Variants in ME3 observed in about 807,000 individuals in gnomAD.
The protein encoded by ME3 is NADP-dependent malic enzyme, mitochondrial.
ME3 carries 48 observed loss-of-function variants against 68.9 expected under a neutral mutation model. The observed-to-expected ratio is 0.70, with a 90% CI of 0.55 to 0.89. The LOEUF (loss-of-function observed/expected upper bound fraction) is 0.89. Among genes scored for constraint, ME3 ranks in the 40% least tolerant of loss-of-function variants. The pLI is 0.00. For missense variants in ME3, 675 were observed against 797.4 expected, an observed-to-expected ratio of 0.85 and a Z score of 1.85; for synonymous variants, 320 against 318.8, an observed-to-expected ratio of 1.00 and a Z score of -0.04.
chr11:86,502,690 TACA>T (rs751150934), intron 5 of ME3, among the ~76,000 whole-genome samples: 25 of 152,238 alleles, frequency 1.6e-4, no homozygotes, highest in Non-Finnish European at 3.2e-4. Flanking sequence ...CAAACTTTTC[TACA>T]ACAACAGAAT....
At position 86,507,189 on chromosome 11, in the gene ME3, C is replaced by T. The variant is rs1222542158; in HGVS notation, c.543+1603G>A. ...GACAGAAAGAAGCTATATTTGGTGT[C>T]CAGTGGAGAAGGGTGGAGGGGCTCA... is the stretch of plus-strand genomic sequence containing the variant. On this transcript the variant is annotated intron_variant, in intron 5 of 14. Transcript: ENST00000543262. 5.9e-5 allele frequency among the ~76,000 whole-genome samples: 9 copies of T among 152,046 alleles called. No individual in the cohort carries two copies. The South Asian group carries it at 1.5e-3, about 25-fold the overall frequency.
chr11:86,637,746 T>C (rs953422713), intron 2 of ME3, among the ~76,000 whole-genome samples: 1 of 152,082 alleles, frequency 6.6e-6, no homozygotes, highest in South Asian at 2.1e-4. Context: ...CAATTTCATC[T>C]GGTAGAGGTT....
intron 11 of ME3, 68 bp downstream of exon 11, chr11:86,448,080 CCT>C (rs949974148): frequency 9.0e-7 from 1 of 1,108,750 alleles, no homozygotes; most frequent in African/African-American, 1.5e-5. Flanking sequence ...CCTAGCTGAG[CCT>C]CTGTCTCTCC....
rs12271274 is a variant in ME3, at chr11:86,512,002, G to T, written c.468-3135C>A. ...CCCAATCAGCAGTGCCCATTCCCTA[G>T]CCTCCTGCCCACCAAATTATCCATA... On this transcript the variant is annotated intron_variant, in intron 4 of 14. Coordinates refer to ENST00000543262, the Ensembl canonical transcript of ME3. Among the ~76,000 whole-genome samples, 1,428 of 152,034 alleles carry T rather than the reference G, an allele frequency of 9.4e-3. 29 individuals are homozygous for T. The highest frequency in any genetic ancestry group is 0.032 in the African/African-American group (1,335 of 41,452).
intron 2 of ME3, among the ~76,000 whole-genome samples, chr11:86,637,205 A>C (rs1186673449): frequency 6.6e-6 from 1 of 152,064 alleles, no homozygotes; most frequent in African/African-American, 2.4e-5. Flanking sequence ...TTCAGTTAAC[A>C]AATACTATGA....
At chr11:86,578,115 T>C (rs961153429) in intron 2 of ME3, among the ~76,000 whole-genome samples, 2 of 152,136 alleles carry the variant, frequency 1.3e-5, no homozygotes, top group Admixed American at 1.3e-4. Context: ...CAGAGGTGGA[T>C]AGTTGGAAAG....
At chr11:86,532,987 G>A (rs535365649) in intron 4 of ME3, among the ~76,000 whole-genome samples, 1 of 152,192 alleles carries the variant, frequency 6.6e-6, no homozygotes, top group East Asian at 1.9e-4. Context: ...AGGAGGCAGA[G>A]GTTGCAGTGA....
chr11:86,643,939 A>G (rs687138), intron 2 of ME3, among the ~76,000 whole-genome samples: 137,175 of 152,260 alleles, frequency 0.9, 61,917 homozygotes, highest in Middle Eastern at 0.96. Flanking sequence ...AGGTAATAAC[A>G]CCTGCCTCAC....
At chr11:86,640,481 A>G (rs1944599742) in intron 2 of ME3, among the ~76,000 whole-genome samples, 1 of 152,188 alleles carries the variant, frequency 6.6e-6, no homozygotes, top group African/African-American at 2.4e-5. Context: ...AGCCATGACT[A>G]ACACATGCTC....
At chr11:86,636,244 C>T (rs1309704802) in intron 2 of ME3, among the ~76,000 whole-genome samples, 2 of 146,986 alleles carry the variant, frequency 1.4e-5, no homozygotes, top group Non-Finnish European at 1.5e-5. Context: ...ATTACATTCT[C>T]TGAACCCAGT....
At chr11:86,541,742 T>G (rs1956061924) in intron 4 of ME3, among the ~76,000 whole-genome samples, 1 of 152,210 alleles carries the variant, frequency 6.6e-6, no homozygotes, top group African/African-American at 2.4e-5. Flanking sequence ...TAAACGTTCC[T>G]GCCTGCCGGG....
At chr11:86,486,227 C>G (rs539943080) in intron 7 of ME3, among the ~76,000 whole-genome samples, 3 of 152,190 alleles carry the variant, frequency 2.0e-5, no homozygotes, top group African/African-American at 7.2e-5. Context: ...ACTTTTTCCC[C>G]CCATCCTACA....
intron 4 of ME3, among the ~76,000 whole-genome samples, chr11:86,521,805 C>T (rs1389592867): frequency 1.2e-4 from 18 of 152,212 alleles, no homozygotes. Flanking sequence ...AAGTCAAGCT[C>T]ATTCTCTTAG....
chr11:86,636,397 T>G (rs995186334), intron 2 of ME3, among the ~76,000 whole-genome samples: 2 of 152,112 alleles, frequency 1.3e-5, no homozygotes, highest in Admixed American at 1.3e-4. Flanking sequence ...TAAACACTCA[T>G]GAAGAGAGGG....
At chr11:86,456,610 G>T (rs140935842) in intron 8 of ME3, among the ~76,000 whole-genome samples, 3 of 152,266 alleles carry the variant, frequency 2.0e-5, no homozygotes, top group African/African-American at 7.2e-5. Flanking sequence ...AAGGCAGCAG[G>T]AGAGGTGTTA....
chr11:86,519,121 A>T (rs1565890233), intron 4 of ME3, among the ~76,000 whole-genome samples: 2 of 152,226 alleles, frequency 1.3e-5, no homozygotes, highest in African/African-American at 2.4e-5. Context: ...TATGCCAACC[A>T]TCCAATTTTT....
intron 2 of ME3, among the ~76,000 whole-genome samples, chr11:86,592,992 T>C (rs2139675366): frequency 6.6e-6 from 1 of 152,270 alleles, no homozygotes; most frequent in Non-Finnish European, 1.5e-5. Flanking sequence ...CCCTTATCTA[T>C]TAACCTGGTG....
In ME3 at chr11:86,559,674, G is replaced by C; in HGVS notation, c.317+16C>G. On this transcript the variant is annotated intron_variant, in intron 3 of 14. Transcript: ENST00000543262. ...GCCCAAGGACCAGACAGAGAGAACA[G>C]ACACTAGGTACTGACTTGTCCAGGT... 2 of 1,606,716 alleles carry C rather than the reference G, an allele frequency of 1.2e-6. No homozygotes were observed. Among genetic ancestry groups the C allele is most frequent in the Admixed American group, 3.3e-5 (2 of 59,782 alleles).
chr11:86,484,074 A>AT (rs1951561259), intron 7 of ME3, among the ~76,000 whole-genome samples: 1 of 152,142 alleles, frequency 6.6e-6, no homozygotes, highest in Non-Finnish European at 1.5e-5. Context: ...CTAAATGGAG[A>AT]TTCCTTCTGT....
Sources: allele counts gnomAD v4.1 joint callset (sites outside exome capture counted in the v4.1 genomes callset), GRCh38; gene constraint gnomAD v4.1.1; transcripts MANE v1.5; gene names NCBI Gene and HGNC (gene_info 2026-07-23, HGNC 2026-07-21).